The following EEF1AKMT1 variants were observed in gnomAD, a reference collection of about 807,000 sequenced individuals.
EEF1AKMT1 encodes N-6 adenine-specific DNA methyltransferase 2 (putative).
A neutral mutation model predicts 21.0 loss-of-function variants in EEF1AKMT1; 18 were observed. The ratio of observed to expected loss-of-function variants is 0.86; its 90% CI spans 0.59 to 1.27. The LOEUF (loss-of-function observed/expected upper bound fraction) is 1.27, where lower values mean the gene tolerates loss of function less well. EEF1AKMT1 is among the 50% of genes most tolerant of loss of function. EEF1AKMT1 has a pLI of 0.00. For synonymous variants in EEF1AKMT1, 109 were observed against 94.8 expected (o/e 1.15, Z -0.87); for missense variants, 246 against 258.6 (o/e 0.95, Z 0.33).
chr13:20,739,271 A>G lies in EEF1AKMT1; in HGVS notation c.145-1466T>C, dbSNP rs550940315. ...AGCTCATAAAGGCAACGCAGACCCA[A>G]ACAGTGAGCAGCAGTAACATTTATT... On this transcript the variant is annotated intron_variant, in intron 2 of 4. Transcript: ENST00000382758. Among the ~76,000 whole-genome samples, 4 of 152,300 alleles carry G rather than the reference A, an allele frequency of 2.6e-5. No homozygotes were observed. The East Asian group carries it at 5.8e-4, about 22-fold the overall frequency.
chr13:20,762,966 A>G (rs2059008500), intron 1 of EEF1AKMT1, among the ~76,000 whole-genome samples: 2 of 152,200 alleles, frequency 1.3e-5, no homozygotes, highest in Non-Finnish European at 2.9e-5. Context: ...AATTAAACTG[A>G]TTATCTATTA....
chr13:20,756,844 T>C (rs1428100571), intron 2 of EEF1AKMT1, among the ~76,000 whole-genome samples: 2 of 152,318 alleles, frequency 1.3e-5, no homozygotes, highest in East Asian at 1.9e-4. Context: ...TTACCTTTTT[T>C]GCATACTCAC....
rs562198782 is a variant in EEF1AKMT1, at chr13:20,739,329, T to C, written c.145-1524A>G. ...GCAAAAGAACAAACCTTCCACAGCA[T>C]GGAAGGCAACCCAAGAGGGTTGCCG... is the stretch of plus-strand genomic sequence containing the variant. On this transcript the variant is annotated intron_variant, in intron 2 of 4. Coordinates refer to ENST00000382758, the MANE Select transcript of EEF1AKMT1 (RefSeq NM_001318939.2). 3.8e-4 allele frequency among the ~76,000 whole-genome samples: 58 copies of C among 152,302 alleles called. No individual in the cohort carries two copies. The South Asian group carries it at 4.8e-3, about 13-fold the overall frequency.
At chr13:20,760,528 G>A (rs770852071) in intron 1 of EEF1AKMT1, among the ~76,000 whole-genome samples, 1 of 151,736 alleles carries the variant, frequency 6.6e-6, no homozygotes, top group Non-Finnish European at 1.5e-5. Context: ...TAGATACTAG[G>A]GACTCCAAGA....
In EEF1AKMT1 at chr13:20,729,002, T is replaced by A. The variant is rs2058775191; in HGVS notation, c.*78A>T. On this transcript the variant is annotated 3_prime_UTR_variant, in exon 5 of 5. Coordinates refer to ENST00000382758, the MANE Select transcript of EEF1AKMT1 (RefSeq NM_001318939.2). ...AGTTTGGGGGGAGGGGAAGAGATTA[T>A]AACTTTTAAATCTACTACGAAAATA... 6.3e-7 allele frequency: 1 copy of A among 1,575,576 alleles called. No homozygotes were observed. Among genetic ancestry groups the A allele is most frequent in the Non-Finnish European group, 8.7e-7 (1 of 1,148,628 alleles).
In EEF1AKMT1 at chr13:20,731,940, T is replaced by G. The variant is rs768394262; in HGVS notation, c.409A>C (p.Ile137Leu). 1 of 1,614,246 alleles carries G rather than the reference T, an allele frequency of 6.2e-7. No homozygotes were observed. The highest frequency in any genetic ancestry group is 1.1e-5 in the South Asian group (1 of 91,088). Residue 137 changes from isoleucine to leucine, a missense_variant, in exon 4 of 5, where the codon ATC (isoleucine) becomes CTC (leucine). Transcript: ENST00000382758. ...PERIAAHSFD[I>L]VIADPPYLSE... ...AGATAGGGAGGATCTGCTATTACGA[T>G]GTCAAAACTATGTGCAGCAATTCTT...
At chr13:20,749,859 G>A (rs919891576) in intron 2 of EEF1AKMT1, among the ~76,000 whole-genome samples, 11 of 152,166 alleles carry the variant, frequency 7.2e-5, no homozygotes, top group Non-Finnish European at 1.6e-4. Flanking sequence ...GTAGGAGACC[G>A]TTTTTCTTCT....
chr13:20,773,521 C>A (rs2059073588), intron 1 of EEF1AKMT1, among the ~76,000 whole-genome samples: 1 of 152,242 alleles, frequency 6.6e-6, no homozygotes, highest in East Asian at 1.9e-4. Context: ...CATCAGCGAA[C>A]TTCTGAGGGC....
At chr13:20,757,104 G>A (rs2141431386) in intron 2 of EEF1AKMT1, 1 of 175,808 alleles carries the variant, frequency 5.7e-6, no homozygotes, top group Non-Finnish European at 1.2e-5. Context: ...GGGCACACCA[G>A]CGTGGCCGAG....
chr13:20,730,890 C>G (rs1361529433), intron 4 of EEF1AKMT1, among the ~76,000 whole-genome samples: 1 of 152,154 alleles, frequency 6.6e-6, no homozygotes, highest in Non-Finnish European at 1.5e-5. Context: ...TTTTGCTCTT[C>G]ATAATAAAGC....
intron 1 of EEF1AKMT1, chr13:20,768,908 C>G (rs2059049609): frequency 6.6e-6 from 1 of 151,936 alleles, no homozygotes; most frequent in Non-Finnish European, 1.5e-5. Context: ...TGTTACAATT[C>G]TCCCCAGAAA....
At chr13:20,767,180 C>A (rs964804382) in intron 1 of EEF1AKMT1, among the ~76,000 whole-genome samples, 1 of 151,616 alleles carries the variant, frequency 6.6e-6, no homozygotes, top group East Asian at 1.9e-4. Flanking sequence ...GTGGCAAGCA[C>A]CTGTAGTCCC....
At chr13:20,758,044 A>C (rs2058980218) in intron 1 of EEF1AKMT1, among the ~76,000 whole-genome samples, 1 of 152,212 alleles carries the variant, frequency 6.6e-6, no homozygotes, top group Non-Finnish European at 1.5e-5. Context: ...ACATATTTTG[A>C]AATGGCCCTG....
At chr13:20,768,975 A>G (rs566711155) in intron 1 of EEF1AKMT1, 11 of 152,166 alleles carry the variant, frequency 7.2e-5, no homozygotes, top group Admixed American at 5.9e-4. Flanking sequence ...AGCAGAGACC[A>G]CAAAGCAGAG....
chr13:20,739,152 G>C (rs759073385), intron 2 of EEF1AKMT1, among the ~76,000 whole-genome samples: 1 of 151,960 alleles, frequency 6.6e-6, no homozygotes, highest in South Asian at 2.1e-4. Flanking sequence ...GGAGTTGGTA[G>C]TTCCTCCCAT....
intron 2 of EEF1AKMT1, among the ~76,000 whole-genome samples, chr13:20,752,843 G>A (rs1555326705): frequency 6.7e-6 from 1 of 150,290 alleles, no homozygotes; most frequent in Non-Finnish European, 1.5e-5. Context: ...TTTTTTTCTT[G>A]GTTAGTCTAG....
chr13:20,738,408 T>C (rs778170143), intron 2 of EEF1AKMT1, among the ~76,000 whole-genome samples: 20 of 152,260 alleles, frequency 1.3e-4, no homozygotes, highest in South Asian at 6.2e-4. Context: ...TTCATAGTTA[T>C]AAATTAAGCA....
intron 2 of EEF1AKMT1, among the ~76,000 whole-genome samples, chr13:20,754,117 T>C (rs1479903789): frequency 6.6e-6 from 1 of 152,190 alleles, no homozygotes; most frequent in Non-Finnish European, 1.5e-5. Flanking sequence ...ATCCTTTTGC[T>C]TCAATGCATA....
chr13:20,730,102 G>T (rs775925852), intron 4 of EEF1AKMT1, among the ~76,000 whole-genome samples: 2 of 152,216 alleles, frequency 1.3e-5, no homozygotes, highest in East Asian at 3.9e-4. Flanking sequence ...CTGGGTCTCT[G>T]TTACTCTTCT....
Sources: allele counts gnomAD v4.1 joint callset (sites outside exome capture counted in the v4.1 genomes callset), GRCh38; gene constraint gnomAD v4.1.1; transcripts MANE v1.5; gene names NCBI Gene and HGNC (gene_info 2026-07-23, HGNC 2026-07-21).